The following GTF2H4 variants were observed in gnomAD, a reference collection of about 807,000 sequenced individuals.
GTF2H4 encodes general transcription factor IIH subunit 4.
Under a neutral mutation model 62.2 loss-of-function variants are expected in GTF2H4, and 49 were observed. The observed-to-expected ratio is 0.79, with a 90% confidence interval of 0.63 to 1.00. The LOEUF is 1.00. GTF2H4 is among the 50% of genes least tolerant of loss of function. GTF2H4 has a pLI of 0.00. For synonymous variants in GTF2H4, 189 were observed against 233.8 expected (o/e 0.81, Z 1.75); for missense variants, 479 against 587.8 (o/e 0.81, Z 1.91).
Position 30,913,281 on chromosome 6 carries a change from C to T in GTF2H4, c.1138-28C>T, listed in dbSNP as rs3218826. 1.4e-3 allele frequency: 2,205 copies of T among 1,613,668 alleles called. 20 individuals are homozygous for T. The Admixed American group carries it at 0.021, about 16-fold the overall frequency. On this transcript the variant is annotated intron_variant, in intron 12 of 13. Transcript: ENST00000259895. The surrounding 1 kb of genome is among the most constrained non-coding windows in gnomAD (Gnocchi z 4.2). ...GGTTGTCTGGGGCAGTATTCTGAGT[C>T]CCTACAGTCAACCCTTGCTCCTTGC...
chr6:30,909,282 G>T lies in GTF2H4; in HGVS notation c.137+109G>T. On this transcript the variant is annotated intron_variant, in intron 2 of 13. Coordinates refer to ENST00000259895, the MANE Select transcript of GTF2H4 (RefSeq NM_001517.5). The surrounding 1 kb of genome is among the most constrained non-coding windows in gnomAD (Gnocchi z 4.3). ...GAGTCGGGGTGGGGACTGGGGGCAA[G>T]GGTTGGAAATTGCTCTAAAGTGTGG... 7.2e-7 allele frequency: 1 copy of T among 1,391,120 alleles called. No individual in the cohort carries two copies. 86.2% of individuals were successfully genotyped at this position (1,391,120 alleles called of 1,614,324 possible).
In GTF2H4 at chr6:30,912,390, A is replaced by C; in HGVS notation, c.1021A>C (p.Met341Leu). 6 of 1,612,996 alleles carry C rather than the reference A, an allele frequency of 3.7e-6. No homozygotes were observed. The highest frequency in any genetic ancestry group is 5.1e-6 in the Non-Finnish European group (6 of 1,180,024). Reference sequence around the variant, plus strand: ...TGAGATGCTCTATCGGTTCCCCAACATGGTGGTGGCGCAGGTGACCCGGGA... The same window carrying C: ...TGAGATGCTCTATCGGTTCCCCAACCTGGTGGTGGCGCAGGTGACCCGGGA... ...FSEMLYRFPN[M>L]VVAQVTRESV... is the part of the protein sequence containing the mutation. Residue 341 changes from methionine (M) to leucine (L), a missense_variant, in exon 11 of 14, where the codon ATG (methionine) becomes CTG (leucine). Transcript: ENST00000259895. The surrounding 1 kb of genome is among the most constrained non-coding windows in gnomAD (Gnocchi z 4.8).
Position 30,910,871 on chromosome 6 carries a change from G to A in GTF2H4, c.490G>A (p.Val164Met). 3 of 1,612,404 alleles carry A rather than the reference G, an allele frequency of 1.9e-6. No individual in the cohort carries two copies. Among genetic ancestry groups the A allele is most frequent in the Non-Finnish European group, 2.5e-6 (3 of 1,179,716 alleles). ...ERWEVVLHFM[V>M]GSPSAAVSQD... ...TCTTCAGGTGGTCTTGCACTTCATGGTGGGCTCCCCCAGTGCAGCTGTCAG... is the reference window on the plus strand; with the variant it reads ...TCTTCAGGTGGTCTTGCACTTCATGATGGGCTCCCCCAGTGCAGCTGTCAG... The change falls in exon 6 of 14, where the codon GTG becomes ATG. Residue 164 changes from valine to methionine, a missense_variant. Transcript: ENST00000259895. The surrounding 1 kb of genome is among the most constrained non-coding windows in gnomAD (Gnocchi z 4.7).
Position 30,913,286 on chromosome 6 carries a change from C to T in GTF2H4, c.1138-23C>T. ...TCTGGGGCAGTATTCTGAGTCCCTACAGTCAACCCTTGCTCCTTGCAGACA... is the reference window on the plus strand; with the variant it reads ...TCTGGGGCAGTATTCTGAGTCCCTATAGTCAACCCTTGCTCCTTGCAGACA... On this transcript the variant is annotated intron_variant, in intron 12 of 13. Coordinates refer to ENST00000259895, the MANE Select transcript of GTF2H4 (RefSeq NM_001517.5). This position sits in a 1 kb window ranked among gnomAD's most constrained non-coding sequence, Gnocchi z 4.2. The T allele has an allele frequency of 6.2e-7, 1 of 1,613,724 alleles. No homozygotes were observed. The highest frequency in any genetic ancestry group is 8.5e-7 in the Non-Finnish European group (1 of 1,179,786).
rs1326224783 is a variant in GTF2H4, at chr6:30,910,371, C to CA, written c.375-292dup. On this transcript the variant is annotated intron_variant, in intron 4 of 13. Transcript: ENST00000259895. The surrounding 1 kb of genome is among the most constrained non-coding windows in gnomAD (Gnocchi z 4.7). The stretch of plus-strand genomic sequence containing the variant: ...TTGAGACAGAGTCTCACTCTGTCAC[C>CA]AAGGCCAGAGTGCAGTGGTGTAATC... Among the ~76,000 whole-genome samples the CA allele has an allele frequency of 6.6e-6, 1 of 152,016 alleles. No homozygotes were observed. Among genetic ancestry groups the CA allele is most frequent in the Non-Finnish European group, 1.5e-5 (1 of 67,992 alleles).
chr6:30,913,470 A>C lies in GTF2H4; in HGVS notation c.1216+83A>C. On this transcript the variant is annotated intron_variant, in intron 13 of 13. Coordinates refer to ENST00000259895, the MANE Select transcript of GTF2H4 (RefSeq NM_001517.5). The surrounding 1 kb of genome is among the most constrained non-coding windows in gnomAD (Gnocchi z 4.2). ...CAGTCTGCATTTTATTTTTTACTTC[A>C]TGGACTAGGAGAGAAAAGCTGGCAA... 1 of 1,459,722 alleles carries C rather than the reference A, an allele frequency of 6.9e-7. No individual in the cohort carries two copies. The highest frequency in any genetic ancestry group is 9.4e-7 in the Non-Finnish European group (1 of 1,064,340). The allele number at this position is 1,459,722 out of a possible 1,614,324, so 90.4% of individuals were successfully genotyped here.
Position 30,913,480 on chromosome 6 carries a change from A to G in GTF2H4, c.1216+93A>G. On this transcript the variant is annotated intron_variant, in intron 13 of 13. Transcript: ENST00000259895. This position sits in a 1 kb window ranked among gnomAD's most constrained non-coding sequence, Gnocchi z 4.2. ...TTTATTTTTTACTTCATGGACTAGG[A>G]GAGAAAAGCTGGCAAGACAGTTTTT... The G allele has an allele frequency of 1.4e-6, 2 of 1,411,498 alleles. No homozygotes were observed. Among genetic ancestry groups the G allele is most frequent in the Non-Finnish European group, 1.9e-6 (2 of 1,029,936 alleles). 87.4% of individuals were successfully genotyped at this position (1,411,498 alleles called of 1,614,324 possible).
Position 30,912,427 on chromosome 6 carries a change from A to C in GTF2H4, c.1058A>C (p.Gln353Pro), listed in dbSNP as rs1381330681. The C allele has an allele frequency of 6.2e-7, 1 of 1,612,752 alleles. No homozygotes were observed. Among genetic ancestry groups the C allele is most frequent in the Admixed American group, 1.7e-5 (1 of 60,008 alleles). The part of the protein sequence containing the change: ...VAQVTRESVQ[Q>P]AIASGITAQQ... ...CAGGTGACCCGGGAGAGTGTGCAGC[A>C]GGCAATCGCCAGTGGCATCACAGCC... The change falls in exon 11 of 14, where the codon CAG becomes CCG. Residue 353 changes from glutamine (Q) to proline (P), a missense_variant. Transcript: ENST00000259895. This position sits in a 1 kb window ranked among gnomAD's most constrained non-coding sequence, Gnocchi z 4.8.
rs767371516 is a variant in GTF2H4, at chr6:30,909,969, C to T, written c.280C>T (p.Arg94Trp). 8.1e-6 allele frequency: 13 copies of T among 1,612,940 alleles called. 1 individual carries two copies. Among genetic ancestry groups the T allele is most frequent in the South Asian group, 7.7e-5 (7 of 91,074 alleles). Residue 94 changes from arginine to tryptophan, a missense_variant, in exon 4 of 14, where the codon CGG (arginine) becomes TGG (tryptophan). Physicochemically the swap from Arg to Trp is moderately radical, Grantham distance 101 (BLOSUM62 -3). Coordinates refer to ENST00000259895, the MANE Select transcript of GTF2H4 (RefSeq NM_001517.5). The surrounding 1 kb of genome is among the most constrained non-coding windows in gnomAD (Gnocchi z 4.3). ...EESTGLLSGLRIWHTQLLPGG... is the reference protein window; with the variant it reads ...EESTGLLSGLWIWHTQLLPGG... ...AAGTACAGGGCTGCTGAGCGGCCTC[C>T]GGATCTGGCACACACAGCTGCTCCC...
In GTF2H4 at chr6:30,909,908, C is replaced by T; in HGVS notation, c.243-24C>T. 1 of 1,602,068 alleles carries T rather than the reference C, an allele frequency of 6.2e-7. No homozygotes were observed. Among genetic ancestry groups the T allele is most frequent in the Non-Finnish European group, 8.5e-7 (1 of 1,175,994 alleles). The stretch of plus-strand genomic sequence containing the variant: ...TCCTTTTTGTTTTCCAAATACCCTA[C>T]TCACCTCTCTGCTTCTGTTCCAGGG... On this transcript the variant is annotated intron_variant, in intron 3 of 13. Coordinates refer to ENST00000259895, the MANE Select transcript of GTF2H4 (RefSeq NM_001517.5). This position sits in a 1 kb window ranked among gnomAD's most constrained non-coding sequence, Gnocchi z 4.3.
chr6:30,912,412 G>A lies in GTF2H4; in HGVS notation c.1043G>A (p.Arg348Gln), dbSNP rs148647677. Residue 348 changes from arginine (R) to glutamine (Q), a missense_variant, in exon 11 of 14, where the codon CGG becomes CAG. Coordinates refer to ENST00000259895, the MANE Select transcript of GTF2H4 (RefSeq NM_001517.5). The surrounding 1 kb of genome is among the most constrained non-coding windows in gnomAD (Gnocchi z 4.8). The stretch of plus-strand genomic sequence containing the variant: ...AACATGGTGGTGGCGCAGGTGACCC[G>A]GGAGAGTGTGCAGCAGGCAATCGCC... ...FPNMVVAQVTRESVQQAIASG... is the reference protein window; with the variant it reads ...FPNMVVAQVTQESVQQAIASG... The A allele has an allele frequency of 8.1e-6, 13 of 1,612,794 alleles. No homozygotes were observed. Among genetic ancestry groups the A allele is most frequent in the African/African-American group, 5.3e-5 (4 of 74,910 alleles).
In GTF2H4 at chr6:30,910,455, G is replaced by A. The variant is rs1793713791; in HGVS notation, c.375-210G>A. On this transcript the variant is annotated intron_variant, in intron 4 of 13. Transcript: ENST00000259895. This position sits in a 1 kb window ranked among gnomAD's most constrained non-coding sequence, Gnocchi z 4.7. ...AGTGATTCTCCTGCCTCAGCCTCCTGAGTAGCTGGGATTACAGGCACCCAC... is the reference window on the plus strand; with the variant it reads ...AGTGATTCTCCTGCCTCAGCCTCCTAAGTAGCTGGGATTACAGGCACCCAC... 1 of 614,984 alleles carries A rather than the reference G, an allele frequency of 1.6e-6. No individual in the cohort carries two copies. Among genetic ancestry groups the A allele is most frequent in the Non-Finnish European group, 2.9e-6 (1 of 340,742 alleles). The allele number at this position is 614,984 out of a possible 1,614,324, so 38.1% of individuals were successfully genotyped here. A position where few individuals can be genotyped will look rare whatever the true frequency, so the allele number is the denominator to read the frequency against.
In GTF2H4 at chr6:30,912,973, C is replaced by A; in HGVS notation, c.1090-137C>A. The A allele has an allele frequency of 1.3e-6, 1 of 759,068 alleles. No homozygotes were observed. Among genetic ancestry groups the A allele is most frequent in the Non-Finnish European group, 2.1e-6 (1 of 467,560 alleles). 47.0% of individuals were successfully genotyped at this position (759,068 alleles called of 1,614,324 possible). A position where few individuals can be genotyped will look rare whatever the true frequency, so the allele number is the denominator to read the frequency against. ...GCAGCAACGTGGGATAACAGCTGAA[C>A]TGGGATGGGTGGAGTTGATGACAGG... On this transcript the variant is annotated intron_variant, in intron 11 of 13. Transcript: ENST00000259895. The surrounding 1 kb of genome is among the most constrained non-coding windows in gnomAD (Gnocchi z 4.8).
rs377712535 is a variant in GTF2H4, at chr6:30,911,209, G to T, written c.612G>T (p.Leu204=). The T allele has an allele frequency of 2.5e-6, 4 of 1,613,682 alleles. No individual in the cohort carries two copies. In the African/African-American group the frequency reaches 4.0e-5, roughly 16 times the overall value. ...TTACTTCCGCTGGCTTCCAGTTCCT[G>T]TTGCTGGACACCCCGGCTCAGCTCT... ...PCITSAGFQF[L]LLDTPAQLWY... is the part of the protein sequence containing the mutation. The change falls in exon 7 of 14, where the codon CTG becomes CTT. Residue 204 remains leucine, a synonymous_variant. Coordinates refer to ENST00000259895, the MANE Select transcript of GTF2H4 (RefSeq NM_001517.5). This position sits in a 1 kb window ranked among gnomAD's most constrained non-coding sequence, Gnocchi z 4.3.
chr6:30,913,278 A>G lies in GTF2H4; in HGVS notation c.1138-31A>G. 6.2e-7 allele frequency: 1 copy of G among 1,613,468 alleles called. No homozygotes were observed. The highest frequency in any genetic ancestry group is 8.5e-7 in the Non-Finnish European group (1 of 1,179,616). On this transcript the variant is annotated intron_variant, in intron 12 of 13. Coordinates refer to ENST00000259895, the MANE Select transcript of GTF2H4 (RefSeq NM_001517.5). The surrounding 1 kb of genome is among the most constrained non-coding windows in gnomAD (Gnocchi z 4.2). ...CCGGGTTGTCTGGGGCAGTATTCTGAGTCCCTACAGTCAACCCTTGCTCCT... is the reference window on the plus strand; with the variant it reads ...CCGGGTTGTCTGGGGCAGTATTCTGGGTCCCTACAGTCAACCCTTGCTCCT...
rs1337176177 is a variant in GTF2H4 at position 30,911,542 on chromosome 6, C to G, written c.741+43C>G. On this transcript the variant is annotated intron_variant, in intron 8 of 13. Coordinates refer to ENST00000259895, the MANE Select transcript of GTF2H4 (RefSeq NM_001517.5). This position sits in a 1 kb window ranked among gnomAD's most constrained non-coding sequence, Gnocchi z 4.3. ...AGGTATAGAGATGGGAAGGGGAAAG[C>G]AAGTTGTGGGGCAGTAGAGTAGACT... is the stretch of plus-strand genomic sequence containing the variant. 1 of 1,535,800 alleles carries G rather than the reference C, an allele frequency of 6.5e-7. No individual in the cohort carries two copies. The highest frequency in any genetic ancestry group is 1.1e-5 in the South Asian group (1 of 89,538).
rs1366993687 is a variant in GTF2H4 at position 30,914,012 on chromosome 6, C to A, written c.*29C>A. 6 of 615,056 alleles carry A rather than the reference C, an allele frequency of 9.8e-6. No homozygotes were observed. The highest frequency in any genetic ancestry group is 7.6e-5 in the African/African-American group (4 of 52,412). 38.1% of individuals were successfully genotyped at this position (615,056 alleles called of 1,614,324 possible). On this transcript the variant is annotated 3_prime_UTR_variant, in exon 14 of 14. Transcript: ENST00000259895. ...CGCGGGACTTGGACACGGACCTCGG[C>A]GGGCGGGACTGGGCGGGGCGGGGCA...
chr6:30,911,370 C>T lies in GTF2H4; in HGVS notation c.673-61C>T. ...GTTCCCTGATTTTCTCTTCTCTGTCCCTTTCTTCCCATTGTCTCCCTCCCA... is the reference window on the plus strand; with the variant it reads ...GTTCCCTGATTTTCTCTTCTCTGTCTCTTTCTTCCCATTGTCTCCCTCCCA... On this transcript the variant is annotated intron_variant, in intron 7 of 13. Coordinates refer to ENST00000259895, the MANE Select transcript of GTF2H4 (RefSeq NM_001517.5). This position sits in a 1 kb window ranked among gnomAD's most constrained non-coding sequence, Gnocchi z 4.3. 1 of 1,543,658 alleles carries T rather than the reference C, an allele frequency of 6.5e-7. No individual in the cohort carries two copies. Among genetic ancestry groups the T allele is most frequent in the Non-Finnish European group, 9.0e-7 (1 of 1,117,148 alleles).
Position 30,911,846 on chromosome 6 carries a change from C to A in GTF2H4, c.825+79C>A. ...CTTTGCCTTTAAAAAGGAGTGGGGT[C>A]TTGGGGCAGTAGCAGGAAGCAGTTG... On this transcript the variant is annotated intron_variant, in intron 9 of 13. Transcript: ENST00000259895. The surrounding 1 kb of genome is among the most constrained non-coding windows in gnomAD (Gnocchi z 4.3). 6.9e-7 allele frequency: 1 copy of A among 1,439,540 alleles called. No individual in the cohort carries two copies. The highest frequency in any genetic ancestry group is 9.7e-7 in the Non-Finnish European group (1 of 1,027,148). 89.2% of individuals were successfully genotyped at this position (1,439,540 alleles called of 1,614,324 possible). A position where few individuals can be genotyped will look rare whatever the true frequency, so the allele number is the denominator to read the frequency against.
Sources: gnomAD v4.1 joint callset for allele counts (sites outside exome capture counted in the v4.1 genomes callset) on GRCh38, gnomAD v4.1.1 for gene constraint, Gnocchi (gnomAD v3.1) non-coding constraint, MANE v1.5 for transcripts, NCBI Gene and HGNC (gene_info 2026-07-23, HGNC 2026-07-21) for gene names.